PRKCB: variants seen among roughly 807,000 people sequenced by gnomAD.
The protein encoded by PRKCB is protein kinase C beta type.
A neutral mutation model predicts 81.5 loss-of-function variants in PRKCB; 13 were observed. The ratio of observed to expected loss-of-function variants is 0.16; its 90% CI spans 0.10 to 0.25. PRKCB has a LOEUF of 0.25. PRKCB is among the 10% of genes least tolerant of loss of function. PRKCB has a pLI of 1.00. For synonymous variants in PRKCB, 335 were observed against 321.4 expected (o/e 1.04, Z -0.45); for missense variants, 509 against 875.7 (o/e 0.58, Z 5.29).
chr16:24,073,133 A>G (rs1239067145), intron 5 of PRKCB, among the ~76,000 whole-genome samples: 1 of 152,196 alleles, frequency 6.6e-6, no homozygotes, highest in Non-Finnish European at 1.5e-5. Context: ...GTGAATGTCT[A>G]GTTCAGTGGG....
intron 3 of PRKCB, among the ~76,000 whole-genome samples, chr16:23,995,210 C>T (rs1328753067): frequency 1.3e-5 from 2 of 152,096 alleles, no homozygotes; most frequent in Non-Finnish European, 2.9e-5. Flanking sequence ...TTGGAGGCAA[C>T]ACATTCCTCA....
At chr16:23,992,288 A>G (rs939416008) in intron 3 of PRKCB, among the ~76,000 whole-genome samples, 1 of 152,142 alleles carries the variant, frequency 6.6e-6, no homozygotes. Context: ...GTATAGAGGA[A>G]CAAAATTTTA....
intron 5 of PRKCB, among the ~76,000 whole-genome samples, chr16:24,043,434 G>A (rs1038206919): frequency 2.0e-5 from 3 of 151,782 alleles, no homozygotes; most frequent in Admixed American, 2.0e-4. Context: ...TTTTAGTATT[G>A]TTGTAATGAA....
intron 3 of PRKCB, among the ~76,000 whole-genome samples, chr16:24,010,602 G>A (rs1390373871): frequency 6.6e-6 from 1 of 152,168 alleles, no homozygotes; most frequent in East Asian, 1.9e-4. Flanking sequence ...TGGTGTCTGA[G>A]CTCTAAATTG....
At position 23,846,740 on chromosome 16, in the gene PRKCB, A is replaced by G. The variant is rs115581968; in HGVS notation, c.205+9334A>G. On this transcript the variant is annotated intron_variant, in intron 2 of 16. Coordinates refer to ENST00000643927, the MANE Select transcript of PRKCB (RefSeq NM_002738.7). ...CCCTGAGCTTGATTCTGTACTGGCT[A>G]TTCCTCCTTGTGAACAGAGAAGGGA... Among the ~76,000 whole-genome samples the G allele has an allele frequency of 3.7e-3, 564 of 151,214 alleles. 2 individuals carry two copies. The highest frequency in any genetic ancestry group is 0.013 in the African/African-American group (521 of 41,176).
intron 16 of PRKCB, among the ~76,000 whole-genome samples, chr16:24,193,486 A>AATAAAATAAATAC (rs1967830565): frequency 6.7e-6 from 1 of 149,900 alleles, no homozygotes. Flanking sequence ...TAAATAAATA[A>AATAAAATAAATAC]ATAAATAAAT....
chr16:23,906,798 C>G (rs979353823), intron 2 of PRKCB, among the ~76,000 whole-genome samples: 12 of 152,202 alleles, frequency 7.9e-5, no homozygotes, highest in South Asian at 2.1e-4. Context: ...GAAATGCTGC[C>G]TTTATCATAT....
intron 5 of PRKCB, among the ~76,000 whole-genome samples, chr16:24,059,221 G>A (rs559315394): frequency 3.9e-5 from 6 of 152,248 alleles, no homozygotes; most frequent in African/African-American, 1.4e-4. Context: ...AGGGGTCACC[G>A]GCCCTAACAG....
At chr16:24,106,281 T>A (rs1295248734) in intron 7 of PRKCB, among the ~76,000 whole-genome samples, 4 of 152,210 alleles carry the variant, frequency 2.6e-5, no homozygotes, top group Non-Finnish European at 5.9e-5. Flanking sequence ...TGTTGCAGTA[T>A]CAAATTAGTT....
intron 5 of PRKCB, among the ~76,000 whole-genome samples, chr16:24,038,559 GC>G (rs1965654207): frequency 6.6e-6 from 1 of 152,260 alleles, no homozygotes; most frequent in African/African-American, 2.4e-5. Flanking sequence ...ATGTCACAAT[GC>G]CCTGCAATTG....
chr16:23,989,951 G>A (rs907339550), intron 3 of PRKCB, among the ~76,000 whole-genome samples: 1 of 152,162 alleles, frequency 6.6e-6, no homozygotes, highest in Non-Finnish European at 1.5e-5. Flanking sequence ...ATAAGAGAGA[G>A]ACATCCCTTC....
chr16:24,165,883 CTTTT>C (rs71154285), intron 10 of PRKCB, among the ~76,000 whole-genome samples: 13 of 93,998 alleles, frequency 1.4e-4, no homozygotes, highest in Admixed American at 2.5e-4. Context: ...TTCTTTCTTT[CTTTT>C]TTTTTTTTTT....
chr16:24,003,610 C>G (rs1281762076), intron 3 of PRKCB, among the ~76,000 whole-genome samples: 1 of 152,120 alleles, frequency 6.6e-6, no homozygotes, highest in Non-Finnish European at 1.5e-5. Context: ...GTCTCGAACT[C>G]CTGATCTCAA....
intron 9 of PRKCB, among the ~76,000 whole-genome samples, chr16:24,139,140 C>T (rs530180181): frequency 1.1e-4 from 17 of 152,182 alleles, no homozygotes; most frequent in African/African-American, 4.1e-4. Flanking sequence ...GCGTGAGCCA[C>T]CGTGCCTGGC....
chr16:23,998,545 G>C lies in PRKCB; in HGVS notation c.288+9955G>C, dbSNP rs367755312. The stretch of plus-strand genomic sequence containing the variant: ...AGCCAGCATTCCTAGCCTCAGATCT[G>C]TGTGACCTTGGACAAATAACTTAAA... On this transcript the variant is annotated intron_variant, in intron 3 of 16. Coordinates refer to ENST00000643927, the MANE Select transcript of PRKCB (RefSeq NM_002738.7). Among the ~76,000 whole-genome samples the C allele has an allele frequency of 5.3e-5, 8 of 152,316 alleles. No individual in the cohort carries two copies. The East Asian group carries it at 1.2e-3, about 22-fold the overall frequency.
intron 2 of PRKCB, among the ~76,000 whole-genome samples, chr16:23,889,130 CCAT>C (rs1963250302): frequency 7.8e-6 from 1 of 127,406 alleles, no homozygotes; most frequent in African/African-American, 5.0e-5. Flanking sequence ...ATCCATCCAT[CCAT>C]CCATCCATCC....
At chr16:24,113,392 C>G (rs1567379365) in intron 8 of PRKCB, among the ~76,000 whole-genome samples, 1 of 150,868 alleles carries the variant, frequency 6.6e-6, no homozygotes, top group Non-Finnish European at 1.5e-5. Flanking sequence ...TGCCTTCCTT[C>G]CTCTCTCTTT....
intron 10 of PRKCB, among the ~76,000 whole-genome samples, chr16:24,163,731 G>A (rs1967300094): frequency 6.6e-6 from 1 of 152,244 alleles, no homozygotes; most frequent in African/African-American, 2.4e-5. Context: ...ACTTACTTGG[G>A]TAAGGCTTTT....
At chr16:23,909,420 A>G (rs751492670) in intron 2 of PRKCB, among the ~76,000 whole-genome samples, 6 of 152,090 alleles carry the variant, frequency 3.9e-5, no homozygotes, top group Non-Finnish European at 7.4e-5. Flanking sequence ...TTCTCCTTGT[A>G]TTCTCACGTG....
Sources: gnomAD v4.1 joint callset for allele counts (sites outside exome capture counted in the v4.1 genomes callset) on GRCh38, gnomAD v4.1.1 for gene constraint, MANE v1.5 for transcripts, NCBI Gene and HGNC (gene_info 2026-07-23, HGNC 2026-07-21) for gene names.